LRRC41: variants seen among roughly 807,000 people sequenced by gnomAD.
The protein encoded by LRRC41 is leucine rich repeat containing 41.
Under a neutral mutation model 72.1 loss-of-function variants are expected in LRRC41, and 17 were observed. The observed-to-expected ratio is 0.24, with a 90% CI of 0.16 to 0.35. The LOEUF (loss-of-function observed/expected upper bound fraction) is 0.35. Among genes scored for constraint, LRRC41 ranks in the 10% least tolerant of loss-of-function variants. The pLI is 1.00. For synonymous variants in LRRC41, 427 were observed against 431.0 expected (o/e 0.99, Z 0.11); for missense variants, 759 against 1,065.0 (o/e 0.71, Z 4.00).
chr1:46,294,279 T>C (rs1021302160), intron 3 of LRRC41, among the ~76,000 whole-genome samples: 1 of 151,918 alleles, frequency 6.6e-6, no homozygotes, highest in Non-Finnish European at 1.5e-5. Context: ...GGATAATTTT[T>C]CTATTTTTTG....
chr1:46,289,790 C>T (rs892312560), intron 3 of LRRC41, among the ~76,000 whole-genome samples: 4 of 152,048 alleles, frequency 2.6e-5, no homozygotes, highest in African/African-American at 9.7e-5. Flanking sequence ...TGCTAAAATT[C>T]GAAGCTGAGA....
Position 46,285,354 on chromosome 1 carries a change from G to A in LRRC41, c.1495+8C>T, listed in dbSNP as rs1660863433. 1 of 1,613,786 alleles carries A rather than the reference G, an allele frequency of 6.2e-7. No individual in the cohort carries two copies. The highest frequency in any genetic ancestry group is 8.5e-7 in the Non-Finnish European group (1 of 1,179,880). On this transcript the variant is annotated splice_region_variant and intron_variant, in intron 4 of 9. Transcript: ENST00000617190. The surrounding 1 kb of genome is among the most constrained non-coding windows in gnomAD (Gnocchi z 5.3). ...TAAGCCCAATCCCTGCCACTCCAGG[G>A]TGCTCACCATTGTAGGAGAGTGTGA... is the stretch of plus-strand genomic sequence containing the variant.
chr1:46,277,762 T>C lies in LRRC41; in HGVS notation c.*1103A>G. The C allele has an allele frequency of 6.5e-7, 1 of 1,540,618 alleles. No individual in the cohort carries two copies. ...CCCTTTGGTTTTCCTGCTCCCTTTT[T>C]ATGAGGATGGCTAAGCGCTGTATCT... On this transcript the variant is annotated 3_prime_UTR_variant, in exon 10 of 10. Coordinates refer to ENST00000617190, the MANE Select transcript of LRRC41 (RefSeq NM_006369.5).
In LRRC41 at chr1:46,302,620, A is replaced by AC. The variant is rs1661265099; in HGVS notation, c.199+503dup. 1 of 983,482 alleles carries AC rather than the reference A, an allele frequency of 1.0e-6. No homozygotes were observed. Among genetic ancestry groups the AC allele is most frequent in the Non-Finnish European group, 1.2e-6 (1 of 829,502 alleles). The allele number at this position is 983,482 out of a possible 1,614,324, so 60.9% of individuals were successfully genotyped here. A position where few individuals can be genotyped will look rare whatever the true frequency, so the allele number is the denominator to read the frequency against. On this transcript the variant is annotated intron_variant, in intron 1 of 9. Transcript: ENST00000617190. This position sits in a 1 kb window ranked among gnomAD's most constrained non-coding sequence, Gnocchi z 4.7. ...CATCGGCTTGGCCTCCGGAATCTCG[A>AC]CCCCCGTGGCGTGTCAGGCAGATGC...
Position 46,285,661 on chromosome 1 carries a change from C to A in LRRC41, c.1196G>T (p.Gly399Val). ...KRFKRAAGKKGARTRQGPGAE... is the reference protein window; with the variant it reads ...KRFKRAAGKKVARTRQGPGAE... ...ACCAGGCCCCTGACGGGTGCGAGCA[C>A]CCTTCTTCCCTGCAGCTCGCTTGAA... is the stretch of plus-strand genomic sequence containing the variant. Residue 399 changes from glycine (G) to valine (V), a missense_variant, in exon 4 of 10, where the codon GGT (glycine) becomes GTT (valine). Physicochemically the swap from Gly to Val is moderately radical, Grantham distance 109. Coordinates refer to ENST00000617190, the MANE Select transcript of LRRC41 (RefSeq NM_006369.5). The surrounding 1 kb of genome is among the most constrained non-coding windows in gnomAD (Gnocchi z 5.3). 3 of 1,614,136 alleles carry A rather than the reference C, an allele frequency of 1.9e-6. No homozygotes were observed. The highest frequency in any genetic ancestry group is 2.5e-6 in the Non-Finnish European group (3 of 1,179,986).
At position 46,281,292 on chromosome 1, in the gene LRRC41, A is replaced by G. The variant is rs1425479086; in HGVS notation, c.1589T>C (p.Leu530Pro). ...CRLRALHLSD[L>P]FSPLPILELT... ...CTCCAGGATGGGCAGTGGTGAGAAC[A>G]GGTCACTGAGATGCAGGGCACGGAG... The change falls in exon 5 of 10, where the codon CTG (leucine) becomes CCG (proline). Residue 530 changes from leucine to proline, a missense_variant. By Grantham distance (98) the Leu-to-Pro change is moderately conservative (BLOSUM62 -3). Coordinates refer to ENST00000617190, the MANE Select transcript of LRRC41 (RefSeq NM_006369.5). 6.2e-7 allele frequency: 1 copy of G among 1,614,076 alleles called. No individual in the cohort carries two copies. The highest frequency in any genetic ancestry group is 8.5e-7 in the Non-Finnish European group (1 of 1,180,038).
chr1:46,303,433 A>C lies in LRRC41; in HGVS notation c.-111T>G. 4 of 1,097,192 alleles carry C rather than the reference A, an allele frequency of 3.6e-6. No homozygotes were observed. Among genetic ancestry groups the C allele is most frequent in the Non-Finnish European group, 5.0e-6 (4 of 795,712 alleles). The allele number at this position is 1,097,192 out of a possible 1,614,324, so 68.0% of individuals were successfully genotyped here. ...ATGGGGAAGAATGTGAATTATTCTA[A>C]AGAAATTTCGAAGAAATTAGCACAC... On this transcript the variant is annotated 5_prime_UTR_variant, in exon 1 of 10. Transcript: ENST00000617190.
Position 46,298,338 on chromosome 1 carries a change from G to A in LRRC41, c.232C>T (p.Pro78Ser). The A allele has an allele frequency of 6.2e-7, 1 of 1,612,696 alleles. No individual in the cohort carries two copies. Among genetic ancestry groups the A allele is most frequent in the Non-Finnish European group, 8.5e-7 (1 of 1,179,380 alleles). Reference protein sequence around the residue: ...LPGPILQSILPLLNIYYLERI... With the variant: ...LPGPILQSILSLLNIYYLERI... ...TCCAAGTAATATATATTGAGCAGAG[G>A]TAGGATGCTTTGAAGTATTGGGCCT... Residue 78 changes from proline to serine, a missense_variant, in exon 2 of 10, where the codon CCT (proline) becomes TCT (serine). By Grantham distance (74) the Pro-to-Ser change is moderately conservative. This residue lies in a region of LRRC41 where 116 missense variants were observed against 250.9 expected (regional missense o/e 0.46). Transcript: ENST00000617190.
In LRRC41 at chr1:46,286,233, C is replaced by G. The variant is rs1474078302; in HGVS notation, c.624G>C (p.Val208=). 1.2e-6 allele frequency: 2 copies of G among 1,614,240 alleles called. No individual in the cohort carries two copies. Among genetic ancestry groups the G allele is most frequent in the Non-Finnish European group, 1.7e-6 (2 of 1,180,052 alleles). The change falls in exon 4 of 10, where the codon GTG becomes GTC. Residue 208 remains valine, a synonymous_variant. Coordinates refer to ENST00000617190, the MANE Select transcript of LRRC41 (RefSeq NM_006369.5). The surrounding 1 kb of genome is among the most constrained non-coding windows in gnomAD (Gnocchi z 5.5). Reference sequence around the variant, plus strand: ...GCTGCCGAAGTGACTGCTGAGCAGCCACATCAGAGAACAGCAGGTGGCGGA... The same window carrying G: ...GCTGCCGAAGTGACTGCTGAGCAGCGACATCAGAGAACAGCAGGTGGCGGA... ...LKFRHLLFSD[V]AAQQSLRQLL...
intron 3 of LRRC41, among the ~76,000 whole-genome samples, chr1:46,292,035 C>A (rs573459376): frequency 6.6e-6 from 1 of 151,850 alleles, no homozygotes. Context: ...TATTGCAGGC[C>A]GGCCACAGTG....
intron 3 of LRRC41, among the ~76,000 whole-genome samples, chr1:46,290,700 G>A (rs1000434365): frequency 6.7e-6 from 1 of 150,200 alleles, no homozygotes; most frequent in East Asian, 2.0e-4. Flanking sequence ...TCTGCCTCCC[G>A]GGTTCAAGCA....
In LRRC41 at chr1:46,291,168, G is replaced by A. The variant is rs1453030763; in HGVS notation, c.358-4669C>T. 2.0e-5 allele frequency among the ~76,000 whole-genome samples: 3 copies of A among 150,396 alleles called. No homozygotes were observed. In the East Asian group the frequency reaches 6.0e-4, roughly 30 times the overall value. ...TTGAACTCCTGACCTCAAGTGATCC[G>A]CCGCCTTGGCCTCCCAAAGTGCTGG... On this transcript the variant is annotated intron_variant, in intron 3 of 9. Transcript: ENST00000617190.
Position 46,280,476 on chromosome 1 carries a change from C to T in LRRC41, c.1841G>A (p.Gly614Asp), listed in dbSNP as rs999735521. 1 of 1,614,064 alleles carries T rather than the reference C, an allele frequency of 6.2e-7. No homozygotes were observed. The highest frequency in any genetic ancestry group is 1.3e-5 in the African/African-American group (1 of 74,938). ...PLLCSVLKAS[G>D]SLQQLSLDSA... is the part of the protein sequence containing the mutation. Reference sequence around the variant, plus strand: ...ATCCAGGGACAGCTGCTGCAGAGAACCCGAGGCCTTCAGAACGGAGCACAG... The same window carrying T: ...ATCCAGGGACAGCTGCTGCAGAGAATCCGAGGCCTTCAGAACGGAGCACAG... The change falls in exon 6 of 10, where the codon GGT (glycine) becomes GAT (aspartate). Residue 614 changes from glycine (G) to aspartate (D), a missense_variant. Transcript: ENST00000617190.
intron 3 of LRRC41, among the ~76,000 whole-genome samples, chr1:46,290,921 T>TG: frequency 9.2e-6 from 1 of 108,436 alleles, no homozygotes; most frequent in South Asian, 3.6e-4. Flanking sequence ...TTCTAGTTTT[T>TG]TTTTTTTTTT....
chr1:46,281,828 C>T (rs550793777), intron 4 of LRRC41, among the ~76,000 whole-genome samples: 117 of 152,280 alleles, frequency 7.7e-4, no homozygotes, highest in African/African-American at 2.8e-3. Flanking sequence ...CCTGTAATCC[C>T]AGCACTTTGG....
intron 4 of LRRC41, 49 bp from the exon 5 acceptor site, chr1:46,281,434 G>A (rs761202716): frequency 1.3e-6 from 2 of 1,573,136 alleles, no homozygotes; most frequent in Non-Finnish European, 1.7e-6. Context: ...GTGTCAGCAG[G>A]GGTAATATAT....
chr1:46,303,442 C>G lies in LRRC41; in HGVS notation c.-120G>C, dbSNP rs1009529102. 9 of 1,025,814 alleles carry G rather than the reference C, an allele frequency of 8.8e-6. No homozygotes were observed. In the Admixed American group the frequency reaches 2.4e-4, roughly 27 times the overall value. The allele number at this position is 1,025,814 out of a possible 1,614,324, so 63.5% of individuals were successfully genotyped here. On this transcript the variant is annotated 5_prime_UTR_variant, in exon 1 of 10. Transcript: ENST00000617190. ...AATGTGAATTATTCTAAAGAAATTT[C>G]GAAGAAATTAGCACACTTTCCAAGT...
chr1:46,296,331 T>A (rs1465839828), intron 3 of LRRC41, among the ~76,000 whole-genome samples: 1 of 152,098 alleles, frequency 6.6e-6, no homozygotes, highest in East Asian at 1.9e-4. Flanking sequence ...GCAGGAGAAT[T>A]GCTTGAACCC....
At chr1:46,282,861 C>T (rs554384343) in intron 4 of LRRC41, among the ~76,000 whole-genome samples, 5 of 151,958 alleles carry the variant, frequency 3.3e-5, no homozygotes, top group African/African-American at 1.2e-4. Flanking sequence ...AGTGAAACCC[C>T]GTCTCTACTA....
Sources: allele counts gnomAD v4.1 joint callset (sites outside exome capture counted in the v4.1 genomes callset), GRCh38; gene constraint gnomAD v4.1.1; regional missense constraint gnomAD v4.1.1; non-coding constraint Gnocchi (gnomAD v3.1); transcripts MANE v1.5; gene names NCBI Gene and HGNC (gene_info 2026-07-23, HGNC 2026-07-21).